The following SCIN variants were observed in gnomAD, a reference collection of about 807,000 sequenced individuals.
The protein encoded by SCIN is scinderin, also known as adseverin.
Under a neutral mutation model 91.8 loss-of-function variants are expected in SCIN, and 91 were observed. The ratio of observed to expected loss-of-function variants is 0.99; its 90% CI spans 0.84 to 1.18. The LOEUF (loss-of-function observed/expected upper bound fraction) is 1.18, where lower values mean the gene tolerates loss of function less well. Among genes scored for constraint, SCIN ranks in the 50% most tolerant of loss-of-function variants. The probability of loss-of-function intolerance (pLI) is 0.00; values close to 1 mark genes in which losing one functional copy is unlikely to be tolerated. For synonymous variants in SCIN, 367 were observed against 312.6 expected, an observed-to-expected ratio of 1.17 and a Z score of -1.84; for missense variants, 1,087 against 863.9, an observed-to-expected ratio of 1.26 and a Z score of -3.24.
At chr7:12,621,269 T>C (rs138541279) in intron 4 of SCIN, among the ~76,000 whole-genome samples, 67 of 152,296 alleles carry the variant, frequency 4.4e-4, no homozygotes, top group African/African-American at 1.6e-3. Flanking sequence ...TCCTTAGAGA[T>C]GATACCTGAC....
At chr7:12,594,640 G>C (rs920732904) in intron 3 of SCIN, among the ~76,000 whole-genome samples, 3 of 152,128 alleles carry the variant, frequency 2.0e-5, no homozygotes, top group Non-Finnish European at 4.4e-5. Flanking sequence ...GACACCCAAG[G>C]GGGGTGGTCT....
rs752796480 is a variant in SCIN at position 12,578,268 on chromosome 7, A to C, written c.354+50A>C. On this transcript the variant is annotated intron_variant, in intron 2 of 15. Coordinates refer to ENST00000297029, the MANE Select transcript of SCIN (RefSeq NM_001112706.3). The stretch of plus-strand genomic sequence containing the variant: ...TATGAATCCCTTTCTCCTCTTGTCC[A>C]TCCATACCTCCTGTCTTCATAGAAT... 9 of 1,463,106 alleles carry C rather than the reference A, an allele frequency of 6.2e-6. No homozygotes were observed. The South Asian group carries it at 1.1e-4, about 18-fold the overall frequency. 90.6% of individuals were successfully genotyped at this position (1,463,106 alleles called of 1,614,324 possible).
rs1784131990 is a variant in SCIN, at chr7:12,654,158, T to C, written c.*1443T>C. The C allele has an allele frequency of 6.6e-6, 1 of 152,180 alleles. No individual in the cohort carries two copies. The highest frequency in any genetic ancestry group is 2.4e-5 in the African/African-American group (1 of 41,452). 9.4% of individuals were successfully genotyped at this position (152,180 alleles called of 1,614,324 possible). ...GTAGGGTCCAACAATTCATCCCACA[T>C]GAATTTTTCTCATCCTTCATGTGGA... On this transcript the variant is annotated 3_prime_UTR_variant, in exon 16 of 16. Transcript: ENST00000297029.
At chr7:12,635,611 CAAAAAAAAAAAAAAAAAAA>C (rs59324421) in intron 9 of SCIN, among the ~76,000 whole-genome samples, 2 of 5,848 alleles carry the variant, frequency 3.4e-4, no homozygotes, top group Non-Finnish European at 4.5e-4. Context: ...GACTCCGTCT[CAAAAAAAAAAAAAAAAAAA>C]AAAAAAAAAA....
chr7:12,626,474 C>A, intron 7 of SCIN, 110 bp from the exon 8 acceptor site: 1 of 866,308 alleles, frequency 1.2e-6, no homozygotes, highest in Non-Finnish European at 1.7e-6. Flanking sequence ...AGCTTGATAG[C>A]TAAACCAGGA....
chr7:12,651,827 G>A lies in SCIN; in HGVS notation c.1960-14G>A. On this transcript the variant is annotated splice_polypyrimidine_tract_variant and intron_variant, in intron 14 of 15. Coordinates refer to ENST00000297029, the MANE Select transcript of SCIN (RefSeq NM_001112706.3). The surrounding 1 kb of genome is among the most constrained non-coding windows in gnomAD (Gnocchi z 5.9). ...CCCAGAAATCATACATATTGTTATT[G>A]TTTCATTTTTCAGATATTTATTTGG... The A allele has an allele frequency of 1.3e-6, 2 of 1,523,900 alleles. No individual in the cohort carries two copies. Among genetic ancestry groups the A allele is most frequent in the East Asian group, 2.3e-5 (1 of 43,522 alleles). 94.4% of individuals were successfully genotyped at this position (1,523,900 alleles called of 1,614,324 possible).
intron 3 of SCIN, among the ~76,000 whole-genome samples, chr7:12,583,813 A>G (rs1012424266): frequency 2.6e-5 from 4 of 152,148 alleles, no homozygotes; most frequent in Non-Finnish European, 5.9e-5. Context: ...AGTCTCTATT[A>G]TAAGGTTCCA....
chr7:12,644,698 G>A lies in SCIN; in HGVS notation c.1874G>A (p.Arg625Lys), dbSNP rs1783924342. The change falls in exon 13 of 16, where the codon AGA becomes AAA. Residue 625 changes from arginine (R) to lysine (K), a missense_variant. Physicochemically the swap from Arg to Lys is conservative, Grantham distance 26. Transcript: ENST00000297029. ...TACGGCTGCTCTAACAAAACTGGAA[G>A]ATTTGTTGTAAGTGTCCTTAAAAAT... Reference protein sequence around the residue: ...RLYGCSNKTGRFVIEEIPGEF... With the variant: ...RLYGCSNKTGKFVIEEIPGEF... 6 of 1,562,386 alleles carry A rather than the reference G, an allele frequency of 3.8e-6. No individual in the cohort carries two copies. The highest frequency in any genetic ancestry group is 5.2e-6 in the Non-Finnish European group (6 of 1,152,874).
At chr7:12,605,174 C>A (rs549101242) in intron 4 of SCIN, among the ~76,000 whole-genome samples, 1 of 152,104 alleles carries the variant, frequency 6.6e-6, no homozygotes, top group Non-Finnish European at 1.5e-5. Context: ...GCCTCAGCCT[C>A]CCTAGTAGCT....
chr7:12,605,353 C>T (rs1783058178), intron 4 of SCIN, among the ~76,000 whole-genome samples: 1 of 152,150 alleles, frequency 6.6e-6, no homozygotes, highest in African/African-American at 2.4e-5. Flanking sequence ...CCGGCCTTCT[C>T]AGGGTTTTTT....
intron 4 of SCIN, among the ~76,000 whole-genome samples, chr7:12,616,794 A>C (rs895804221): frequency 4.6e-5 from 7 of 152,164 alleles, no homozygotes; most frequent in Non-Finnish European, 7.4e-5. Flanking sequence ...ATAATCAAGG[A>C]CTAATGACAT....
chr7:12,632,079 TTTTCA>T (rs955763307), intron 9 of SCIN, among the ~76,000 whole-genome samples: 1 of 135,014 alleles, frequency 7.4e-6, no homozygotes, highest in African/African-American at 2.6e-5. Flanking sequence ...ATATGATTGG[TTTTCA>T]TTTTATTTTA....
chr7:12,598,662 G>A (rs994214023), intron 3 of SCIN, among the ~76,000 whole-genome samples: 3 of 152,152 alleles, frequency 2.0e-5, no homozygotes, highest in Non-Finnish European at 4.4e-5. Flanking sequence ...GGAGGCCAAG[G>A]CAGGCAGATC....
intron 2 of SCIN, among the ~76,000 whole-genome samples, chr7:12,579,889 G>T (rs1782453516): frequency 6.6e-6 from 1 of 152,160 alleles, no homozygotes; most frequent in Non-Finnish European, 1.5e-5. Context: ...TCTCCAGCCT[G>T]GGAGACATGA....
rs778701098 is a variant in SCIN, at chr7:12,622,756, A to G, written c.667-45A>G. 4 of 1,296,822 alleles carry G rather than the reference A, an allele frequency of 3.1e-6. No homozygotes were observed. The African/African-American group carries it at 5.9e-5, about 19-fold the overall frequency. 80.3% of individuals were successfully genotyped at this position (1,296,822 alleles called of 1,614,324 possible). A position where few individuals can be genotyped will look rare whatever the true frequency, so the allele number is the denominator to read the frequency against. On this transcript the variant is annotated intron_variant, in intron 4 of 15. Coordinates refer to ENST00000297029, the MANE Select transcript of SCIN (RefSeq NM_001112706.3). ...GTATTTTTCTAACTCTGCATCCTTC[A>G]ATGGGAGATCTTTATCTTTGCATCC...
At chr7:12,629,343 C>A in intron 9 of SCIN, 121 bp downstream of exon 9, 3 of 911,722 alleles carry the variant, frequency 3.3e-6, no homozygotes, top group Non-Finnish European at 4.7e-6. Context: ...ATTTGTATAG[C>A]ATGCATATAG....
At chr7:12,647,219 A>G (rs1216549636) in intron 13 of SCIN, among the ~76,000 whole-genome samples, 4 of 152,210 alleles carry the variant, frequency 2.6e-5, no homozygotes, top group Admixed American at 1.3e-4. Context: ...TTATGCGTAT[A>G]TATTAGCCTT....
Position 12,655,511 on chromosome 7 carries a change from C to G in SCIN, c.*2796C>G, listed in dbSNP as rs534638034. 11 of 152,098 alleles carry G rather than the reference C, an allele frequency of 7.2e-5. No homozygotes were observed. Among genetic ancestry groups the G allele is most frequent in the Non-Finnish European group, 1.6e-4 (11 of 68,008 alleles). 9.4% of individuals were successfully genotyped at this position (152,098 alleles called of 1,614,324 possible). ...GACCAGTAAATAATGAAAAGATGTT[C>G]TAAGACACTCTTAATTAAATAAATT... On this transcript the variant is annotated 3_prime_UTR_variant, in exon 16 of 16. Transcript: ENST00000297029.
At chr7:12,596,418 G>A (rs1323112094) in intron 3 of SCIN, 1 of 455,420 alleles carries the variant, frequency 2.2e-6, no homozygotes, top group Non-Finnish European at 4.4e-6. Context: ...ATTCACTTTA[G>A]TGCAACAGGT....
Sources: gnomAD v4.1 joint callset for allele counts (sites outside exome capture counted in the v4.1 genomes callset) on GRCh38, gnomAD v4.1.1 for gene constraint, Gnocchi (gnomAD v3.1) non-coding constraint, MANE v1.5 for transcripts, NCBI Gene and HGNC (gene_info 2026-07-23, HGNC 2026-07-21) for gene names.